The following BCORL1 variants were observed in gnomAD, a reference collection of about 807,000 sequenced individuals.
BCORL1 encodes BCL6 corepressor like 1.
In BCORL1, 7 loss-of-function variants were observed where a neutral mutation model predicts 87.6. The ratio of observed to expected loss-of-function variants is 0.08; its 90% CI spans 0.05 to 0.15. BCORL1 has a LOEUF of 0.15. Among genes scored for constraint, BCORL1 ranks in the 10% least tolerant of loss-of-function variants. BCORL1 has a pLI of 1.00. For synonymous variants in BCORL1, 591 were observed against 634.4 expected, an observed-to-expected ratio of 0.93 and a Z score of 1.03; for missense variants, 1,215 against 1,499.7, an observed-to-expected ratio of 0.81 and a Z score of 3.13.
chrX:130,006,191 G>A lies in BCORL1; in HGVS notation c.86+874G>A, dbSNP rs751600943. Among the ~76,000 whole-genome samples, 7 of 110,783 alleles carry A rather than the reference G, an allele frequency of 6.3e-5. No homozygotes were observed. In the East Asian group the frequency reaches 2.0e-3, roughly 31 times the overall value. ...TGAGAGTTGGTGACACCTGCCTCAC[G>A]TGTGTATTTTCAGTTATCTGTTCCC... On this transcript the variant is annotated intron_variant, in intron 2 of 13. Transcript: ENST00000540052.
At chrX:130,007,194 T>C (rs1928574636) in intron 2 of BCORL1, among the ~76,000 whole-genome samples, 1 of 112,249 alleles carries the variant, frequency 8.9e-6, no homozygotes, top group Admixed American at 9.5e-5. Context: ...TTTATTTTCT[T>C]AAGCCATTAG....
intron 13 of BCORL1, among the ~76,000 whole-genome samples, chrX:130,052,459 CTGTAA>C (rs1437328244): frequency 8.9e-6 from 1 of 112,653 alleles, no homozygotes; most frequent in Admixed American, 9.4e-5. Context: ...TTTCTCAGTG[CTGTAA>C]TGTTAGTAGC....
Position 130,014,319 on chromosome X carries a change from C to A in BCORL1, c.1547C>A (p.Ser516Tyr). 8.3e-7 allele frequency: 1 copy of A among 1,211,760 alleles called. No homozygotes were observed. Among genetic ancestry groups the A allele is most frequent in the East Asian group, 3.0e-5 (1 of 33,828 alleles). Residue 516 changes from serine to tyrosine, a missense_variant, in exon 4 of 14, where the codon TCC (serine) becomes TAC (tyrosine). By Grantham distance (144) the Ser-to-Tyr change is moderately radical. Around this residue, in one of 5 missense-constraint regions of BCORL1, gnomAD observed 861 missense variants for 1,010.0 expected, o/e 0.85. Coordinates refer to ENST00000540052, the MANE Select transcript of BCORL1 (RefSeq NM_001379451.1). ...GTGGCCCGGCCTCTGACTTCGGATTCCAAGCTGGTATCTCTGGAGGTGAAC... is the reference window on the plus strand; with the variant it reads ...GTGGCCCGGCCTCTGACTTCGGATTACAAGCTGGTATCTCTGGAGGTGAAC... ...FSVARPLTSD[S>Y]KLVSLEVNRL...
intron 1 of BCORL1, among the ~76,000 whole-genome samples, chrX:129,990,584 A>G (rs1201464011): frequency 9.0e-6 from 1 of 111,238 alleles, no homozygotes; most frequent in African/African-American, 3.3e-5. Context: ...CTATTATGTT[A>G]TAGTAAACAT....
rs754162657 is a variant in BCORL1 at position 130,015,219 on chromosome X, G to A, written c.2447G>A (p.Arg816Gln). ...ACGGGGCCGGCAAATATTTATCCCC[G>A]GTGTTCAGTCAATGGGAAACCTACC... ...KPTGPANIYP[R>Q]CSVNGKPTST... The change falls in exon 4 of 14, where the codon CGG becomes CAG. Residue 816 changes from arginine (R) to glutamine (Q), a missense_variant. Coordinates refer to ENST00000540052, the MANE Select transcript of BCORL1 (RefSeq NM_001379451.1). The A allele has an allele frequency of 4.1e-5, 50 of 1,210,709 alleles. No homozygotes were observed. The highest frequency in any genetic ancestry group is 4.7e-5 in the Non-Finnish European group (42 of 895,359).
intron 11 of BCORL1, among the ~76,000 whole-genome samples, chrX:130,042,952 G>A (rs915966869): frequency 6.8e-5 from 7 of 102,699 alleles, no homozygotes; most frequent in Admixed American, 4.3e-4. Flanking sequence ...CAGCCTGGGC[G>A]ACAGAGCGAG....
intron 8 of BCORL1, among the ~76,000 whole-genome samples, chrX:130,030,692 TC>T (rs1410294663): frequency 9.8e-6 from 1 of 101,613 alleles, no homozygotes; most frequent in Non-Finnish European, 2.0e-5. Context: ...CTGCTCCCCC[TC>T]CCCTTCCCCC....
chrX:129,990,690 A>G (rs193208124), intron 1 of BCORL1, among the ~76,000 whole-genome samples: 16 of 111,584 alleles, frequency 1.4e-4, no homozygotes, highest in Admixed American at 9.6e-4. Flanking sequence ...ATTAGTACAC[A>G]TTTGGCATTT....
At chrX:130,048,515 C>G (rs1273572133) in intron 11 of BCORL1, among the ~76,000 whole-genome samples, 4 of 111,889 alleles carry the variant, frequency 3.6e-5, no homozygotes, top group African/African-American at 9.7e-5. Flanking sequence ...ACTTTTTGTT[C>G]AGGTAGGAAT....
upstream of BCORL1, among the ~76,000 whole-genome samples, chrX:129,981,490 T>C (rs1230810567): frequency 9.0e-6 from 1 of 110,518 alleles, no homozygotes; most frequent in Non-Finnish European, 1.9e-5. Flanking sequence ...AGCGATTTAA[T>C]GGCTTTTAAG....
In BCORL1 at chrX:130,055,962, C is replaced by T. The variant is rs761806303; in HGVS notation, c.5184C>T (p.Ala1728=). The change falls in exon 14 of 14, where the codon GCC becomes GCT. Residue 1728 remains alanine (A), a synonymous_variant. Transcript: ENST00000540052. ...PHFEITTMPK[A]EFYRQVASSQ... ...TTGAAATCACCACCATGCCCAAGGC[C>T]GAGTTCTACAGGCAGGTGGCCTCCA... 18 of 1,210,894 alleles carry T rather than the reference C, an allele frequency of 1.5e-5. No individual in the cohort carries two copies. The highest frequency in any genetic ancestry group is 1.4e-4 in the South Asian group (8 of 56,885).
intron 7 of BCORL1, 113 bp downstream of exon 7, chrX:130,025,492 A>T: frequency 1.4e-6 from 1 of 713,950 alleles, no homozygotes; most frequent in Non-Finnish European, 2.0e-6. Flanking sequence ...CGGTGCTATG[A>T]TCTCCAGCTG....
rs143911631 is a variant in BCORL1, at chrX:130,056,072, G to A, written c.5294G>A (p.Arg1765Gln). 44 of 1,204,630 alleles carry A rather than the reference G, an allele frequency of 3.7e-5. No homozygotes were observed. The highest frequency in any genetic ancestry group is 2.3e-4 in the Middle Eastern group (1 of 4,287). Residue 1765 changes from arginine to glutamine, a missense_variant, in exon 14 of 14, where the codon CGG becomes CAG. Transcript: ENST00000540052. ...TCCTCTGAGACTGTGGAGCTGGTGC[G>A]GTACGAGCCAGACCTACTTCGGCTC... Reference protein sequence around the residue: ...PGSSETVELVRYEPDLLRLLG... With the variant: ...PGSSETVELVQYEPDLLRLLG...
At position 130,034,248 on chromosome X, in the gene BCORL1, C is replaced by G. The variant is rs770724772; in HGVS notation, c.4306-207C>G. The stretch of plus-strand genomic sequence containing the variant: ...AAACTCATGGGAACCTGTGTTGATC[C>G]TGGAGAGACTTCACATGGTTAGCGC... On this transcript the variant is annotated intron_variant, in intron 8 of 13. Transcript: ENST00000540052. Among the ~76,000 whole-genome samples, 16 of 111,847 alleles carry G rather than the reference C, an allele frequency of 1.4e-4. No individual in the cohort carries two copies. In the Middle Eastern group the frequency reaches 0.018, roughly 129 times the overall value.
In BCORL1 at chrX:130,009,333, C is replaced by T. The variant is rs1327440115; in HGVS notation, c.87-3245C>T. Among the ~76,000 whole-genome samples the T allele has an allele frequency of 7.2e-5, 8 of 110,954 alleles. No homozygotes were observed. The South Asian group carries it at 1.9e-3, about 27-fold the overall frequency. ...CACAAAACTTAGCTGGGCGTGGTGG[C>T]GCATGCCTGTAATCCCAGCTACTCG... On this transcript the variant is annotated intron_variant, in intron 2 of 13. Coordinates refer to ENST00000540052, the MANE Select transcript of BCORL1 (RefSeq NM_001379451.1).
Position 130,011,431 on chromosome X carries a change from G to A in BCORL1, c.87-1147G>A, listed in dbSNP as rs751820632. The stretch of plus-strand genomic sequence containing the variant: ...TTTTGTATTTTTTAGTAGATATGGA[G>A]TTTTACCATGATGGCCAGGCTGATA... On this transcript the variant is annotated intron_variant, in intron 2 of 13. Transcript: ENST00000540052. Among the ~76,000 whole-genome samples, 60 of 110,958 alleles carry A rather than the reference G, an allele frequency of 5.4e-4. No homozygotes were observed. In the Admixed American group the frequency reaches 5.6e-3, roughly 10 times the overall value.
chrX:130,019,564 C>T (rs760005361), intron 4 of BCORL1, among the ~76,000 whole-genome samples: 1 of 111,914 alleles, frequency 8.9e-6, no homozygotes, highest in Admixed American at 9.5e-5. Context: ...TAGCTCAGGC[C>T]TCTGCTGAAA....
chrX:130,014,531 A>G lies in BCORL1; in HGVS notation c.1759A>G (p.Thr587Ala). 1 of 1,211,545 alleles carries G rather than the reference A, an allele frequency of 8.3e-7. No individual in the cohort carries two copies. The highest frequency in any genetic ancestry group is 1.7e-5 in the African/African-American group (1 of 57,715). The change falls in exon 4 of 14, where the codon ACC becomes GCC. Residue 587 changes from threonine to alanine, a missense_variant. Physicochemically the swap from Thr to Ala is moderately conservative, Grantham distance 58. Transcript: ENST00000540052. ...GCACCCCGCCAAGATGCCCAGTGGC[A>G]CCGAGCAGCAAACAGAAGGGACTTC... is the stretch of plus-strand genomic sequence containing the variant. The part of the protein sequence containing the change: ...PPHPAKMPSG[T>A]EQQTEGTSVT...
intron 2 of BCORL1, among the ~76,000 whole-genome samples, chrX:130,010,815 C>G (rs748094735): frequency 9.3e-6 from 1 of 107,882 alleles, no homozygotes; most frequent in Admixed American, 1.0e-4. Flanking sequence ...TCTTCAGGAG[C>G]TTGGGGTGAG....
Sources: allele counts gnomAD v4.1 joint callset (sites outside exome capture counted in the v4.1 genomes callset), GRCh38; gene constraint gnomAD v4.1.1; regional missense constraint gnomAD v4.1.1; transcripts MANE v1.5; gene names NCBI Gene and HGNC (gene_info 2026-07-23, HGNC 2026-07-21).